The following PCDHGA4 variants were observed in gnomAD, a reference collection of about 807,000 sequenced individuals.
PCDHGA4 encodes protocadherin gamma-A4.
Under a neutral mutation model 54.6 loss-of-function variants are expected in PCDHGA4, and 38 were observed. The ratio of observed to expected loss-of-function variants is 0.70; its 90% CI spans 0.54 to 0.91. The LOEUF (loss-of-function observed/expected upper bound fraction) is 0.91. PCDHGA4 is among the 40% of genes least tolerant of loss of function. The pLI, the probability that PCDHGA4 is intolerant of heterozygous loss-of-function variation, is 0.00. For synonymous variants in PCDHGA4, 511 were observed against 512.9 expected (o/e 1.00, Z 0.05); for missense variants, 1,298 against 1,220.9 (o/e 1.06, Z -0.94).
chr5:141,502,784 G>C (rs185608958), intron 2 of PCDHGA4, among the ~76,000 whole-genome samples: 1 of 151,804 alleles, frequency 6.6e-6, no homozygotes, highest in Non-Finnish European at 1.5e-5. Flanking sequence ...AAATTACCTG[G>C]ATGATTTCTT....
chr5:141,393,214 A>G, intron 1 of PCDHGA4: 1 of 1,613,636 alleles, frequency 6.2e-7, no homozygotes, highest in East Asian at 2.2e-5. Flanking sequence ...CCAAAATTCC[A>G]GGTCGAAGAT....
In PCDHGA4 at chr5:141,366,149, C is replaced by G. The variant is rs532159175; in HGVS notation, c.2514+8528C>G. Reference sequence around the variant, plus strand: ...AGGCCAGAACGCCTGGCTGTCCTACCGCCTGCTTAAGGCCAGCGAGCCAGG... The same window carrying G: ...AGGCCAGAACGCCTGGCTGTCCTACGGCCTGCTTAAGGCCAGCGAGCCAGG... On this transcript the variant is annotated intron_variant, in intron 1 of 3. Transcript: ENST00000571252. 1.9e-6 allele frequency: 3 copies of G among 1,614,160 alleles called. No individual in the cohort carries two copies. The African/African-American group carries it at 4.0e-5, about 22-fold the overall frequency.
Position 141,432,097 on chromosome 5 carries a change from C to T in PCDHGA4, c.2515-62710C>T, listed in dbSNP as rs1428283489. The stretch of plus-strand genomic sequence containing the variant: ...TCTCGCTGAACGTGGCAGACACCAA[C>T]GACAACCCGCCGGTCTTCCCTCAGG... On this transcript the variant is annotated intron_variant, in intron 1 of 3. Transcript: ENST00000571252. This position sits in a 1 kb window ranked among gnomAD's most constrained non-coding sequence, Gnocchi z 6.0. 6 of 1,614,066 alleles carry T rather than the reference C, an allele frequency of 3.7e-6. No individual in the cohort carries two copies. The highest frequency in any genetic ancestry group is 2.7e-5 in the African/African-American group (2 of 74,920).
chr5:141,427,425 AC>A (rs1184817093), intron 1 of PCDHGA4: 2 of 469,034 alleles, frequency 4.3e-6, no homozygotes, highest in Non-Finnish European at 8.5e-6. Flanking sequence ...TGGGGAGGTT[AC>A]ATGCCTCATA....
intron 1 of PCDHGA4, chr5:141,410,392 T>C: frequency 6.2e-7 from 1 of 1,614,050 alleles, no homozygotes; most frequent in African/African-American, 1.3e-5. Flanking sequence ...TCCATCCTGG[T>C]CTCTGTGTCA....
At chr5:141,384,723 G>A (rs1780414266) in intron 1 of PCDHGA4, 1 of 1,614,142 alleles carries the variant, frequency 6.2e-7, no homozygotes, top group Non-Finnish European at 8.5e-7. Flanking sequence ...CATACCTCCT[G>A]CTTAAGGCCA....
intron 1 of PCDHGA4, chr5:141,370,493 C>G (rs1766963233): frequency 5.6e-6 from 9 of 1,613,944 alleles, no homozygotes; most frequent in Non-Finnish European, 7.6e-6. Flanking sequence ...CCGAACCGAT[C>G]CGCTACGCTA....
At chr5:141,390,409 A>C in intron 1 of PCDHGA4, 2 of 1,247,634 alleles carry the variant, frequency 1.6e-6, no homozygotes, top group East Asian at 2.4e-5. Context: ...GGAAAGTTGT[A>C]GTCAGTTAAA....
chr5:141,427,985 C>A (rs747784722), intron 1 of PCDHGA4: 23 of 1,597,524 alleles, frequency 1.4e-5, no homozygotes, highest in Non-Finnish European at 1.9e-5. Context: ...CGCTGGGGCC[C>A]GATGGCTCCG....
At chr5:141,363,754 T>C (rs769880289) in intron 1 of PCDHGA4, among the ~76,000 whole-genome samples, 4 of 152,238 alleles carry the variant, frequency 2.6e-5, no homozygotes, top group Non-Finnish European at 4.4e-5. Context: ...GGTATTCTTA[T>C]ATGCAAATAA....
At chr5:141,504,340 G>C (rs1240423982) in intron 2 of PCDHGA4, among the ~76,000 whole-genome samples, 1 of 152,062 alleles carries the variant, frequency 6.6e-6, no homozygotes, top group Non-Finnish European at 1.5e-5. Flanking sequence ...CAAGTGCTAG[G>C]CTTTGTGCTA....
chr5:141,491,312 C>T lies in PCDHGA4; in HGVS notation c.2515-3495C>T, dbSNP rs749198887. The stretch of plus-strand genomic sequence containing the variant: ...CACCCTCCTGAGCGTTCAGACCTTA[C>T]CCTTTACCTCATTGTGGCTCTAGCG... On this transcript the variant is annotated intron_variant, in intron 1 of 3. Transcript: ENST00000571252. The surrounding 1 kb of genome is among the most constrained non-coding windows in gnomAD (Gnocchi z 6.9). 3 of 1,614,170 alleles carry T rather than the reference C, an allele frequency of 1.9e-6. No individual in the cohort carries two copies. Among genetic ancestry groups the T allele is most frequent in the East Asian group, 4.5e-5 (2 of 44,878 alleles).
At chr5:141,384,210 C>A in intron 1 of PCDHGA4, 1 of 1,613,886 alleles carries the variant, frequency 6.2e-7, no homozygotes, top group Admixed American at 1.7e-5. Flanking sequence ...GGGAAACTCA[C>A]ATATTCATGC....
At chr5:141,467,906 A>T (rs917983299) in intron 1 of PCDHGA4, among the ~76,000 whole-genome samples, 5 of 152,002 alleles carry the variant, frequency 3.3e-5, no homozygotes, top group African/African-American at 9.7e-5. Flanking sequence ...AAATCCGCCC[A>T]CCTCAGCCTC....
chr5:141,502,634 T>C (rs1306951640), intron 2 of PCDHGA4, among the ~76,000 whole-genome samples: 1 of 152,228 alleles, frequency 6.6e-6, no homozygotes. Flanking sequence ...CTGTGGATGA[T>C]ACTTTGAGAT....
intron 1 of PCDHGA4, chr5:141,383,556 C>A: frequency 6.2e-7 from 1 of 1,612,766 alleles, no homozygotes; most frequent in Non-Finnish European, 8.5e-7. Context: ...ATGGCGGCGA[C>A]CCGCCCCGAT....
intron 1 of PCDHGA4, chr5:141,404,061 A>G (rs375910829): frequency 9.9e-6 from 16 of 1,613,906 alleles, no homozygotes; most frequent in African/African-American, 4.0e-5. Flanking sequence ...CTTCTTTTCA[A>G]TGCTCATGAC....
At position 141,433,052 on chromosome 5, in the gene PCDHGA4, A is replaced by G. The variant is rs757503771; in HGVS notation, c.2515-61755A>G. The G allele has an allele frequency of 3.1e-6, 5 of 1,614,178 alleles. No individual in the cohort carries two copies. In the Admixed American group the frequency reaches 8.3e-5, roughly 27 times the overall value. ...GGTTTCCCTCACCACGGACTCGCGG[A>G]AGAGTCACCTGATCTTCCCCCAGCC... On this transcript the variant is annotated intron_variant, in intron 1 of 3. Transcript: ENST00000571252.
chr5:141,490,906 G>A lies in PCDHGA4; in HGVS notation c.2515-3901G>A, dbSNP rs2099705910. 1 of 1,613,798 alleles carries A rather than the reference G, an allele frequency of 6.2e-7. No individual in the cohort carries two copies. Among genetic ancestry groups the A allele is most frequent in the Non-Finnish European group, 8.5e-7 (1 of 1,179,808 alleles). ...CACATCTCTGCATGTGTTTGTCCTA[G>A]ACGAGAATGATAATGCCCCAGCTGT... On this transcript the variant is annotated intron_variant, in intron 1 of 3. Coordinates refer to ENST00000571252, the MANE Select transcript of PCDHGA4 (RefSeq NM_018917.4). The surrounding 1 kb of genome is among the most constrained non-coding windows in gnomAD (Gnocchi z 5.4).
Sources: allele counts gnomAD v4.1 joint callset (sites outside exome capture counted in the v4.1 genomes callset), GRCh38; gene constraint gnomAD v4.1.1; non-coding constraint Gnocchi (gnomAD v3.1); transcripts MANE v1.5; gene names NCBI Gene and HGNC (gene_info 2026-07-23, HGNC 2026-07-21).